Variants in MTHFD1L observed in about 807,000 individuals in gnomAD.
The protein encoded by MTHFD1L is methylenetetrahydrofolate dehydrogenase (NADP+ dependent) 1 like, also known as monofunctional C1-tetrahydrofolate synthase, mitochondrial.
In MTHFD1L, 81 loss-of-function variants were observed where a neutral mutation model predicts 119.5. The observed-to-expected ratio is 0.68, with a 90% confidence interval of 0.57 to 0.82. The LOEUF (loss-of-function observed/expected upper bound fraction) is 0.82, where lower values mean the gene tolerates loss of function less well. Ranked by LOEUF, MTHFD1L falls within the 40% of genes least tolerant of loss-of-function variation. The pLI is 0.00. For synonymous variants in MTHFD1L, 430 were observed against 475.2 expected (o/e 0.90, Z 1.24); for missense variants, 1,125 against 1,253.4 (o/e 0.90, Z 1.55).
intron 26 of MTHFD1L, among the ~76,000 whole-genome samples, chr6:151,071,954 TG>T (rs1467590041): frequency 1.1e-4 from 17 of 147,840 alleles, no homozygotes; most frequent in Admixed American, 4.9e-4. Flanking sequence ...GCAGTTCTCC[TG>T]CCTCGGCCTC....
intron 24 of MTHFD1L, chr6:151,022,259 C>G (rs9322298): frequency 0.073 from 23,326 of 318,760 alleles, 2,682 homozygotes; most frequent in East Asian, 0.58. Flanking sequence ...CTTGAAAATG[C>G]CAGCTGGAAC....
intron 27 of MTHFD1L, among the ~76,000 whole-genome samples, chr6:151,096,997 A>AT (rs1794943204): frequency 6.6e-6 from 1 of 152,264 alleles, no homozygotes; most frequent in Admixed American, 6.5e-5. Context: ...ATTAAAATAG[A>AT]TTTTTTGTCC....
In MTHFD1L at chr6:150,902,096, G is replaced by T. The variant is rs1303198547; in HGVS notation, c.781-3554G>T. ...ACTGTCTTCTAGTCAAGAGGGTAGCGCTGTATTTAGTTTAAAACATTTTAA... is the reference window on the plus strand; with the variant it reads ...ACTGTCTTCTAGTCAAGAGGGTAGCTCTGTATTTAGTTTAAAACATTTTAA... On this transcript the variant is annotated intron_variant, in intron 7 of 27. Transcript: ENST00000367321. Among the ~76,000 whole-genome samples the T allele has an allele frequency of 2.0e-5, 3 of 152,042 alleles. No homozygotes were observed. In the East Asian group the frequency reaches 5.8e-4, roughly 29 times the overall value.
chr6:150,908,342 G>A (rs1301674489), intron 8 of MTHFD1L, among the ~76,000 whole-genome samples: 1 of 151,606 alleles, frequency 6.6e-6, no homozygotes, highest in African/African-American at 2.4e-5. Context: ...GGGGCTGATG[G>A]CCAGGCACAG....
rs780618071 is a variant in MTHFD1L at position 151,013,841 on chromosome 6, G to A, written c.2307+21G>A. 5 of 1,599,132 alleles carry A rather than the reference G, an allele frequency of 3.1e-6. No homozygotes were observed. The African/African-American group carries it at 6.7e-5, about 22-fold the overall frequency. On this transcript the variant is annotated intron_variant, in intron 22 of 27. Transcript: ENST00000367321. ...AGGAGGTAAGAGGAGCTGTTTAGAT[G>A]CTTATGTGAAGAATCTCTTAAATCC...
chr6:150,926,949 G>A lies in MTHFD1L; in HGVS notation c.1256+654G>A, dbSNP rs572177276. On this transcript the variant is annotated intron_variant, in intron 11 of 27. Coordinates refer to ENST00000367321, the MANE Select transcript of MTHFD1L (RefSeq NM_015440.5). The surrounding 1 kb of genome is among the most constrained non-coding windows in gnomAD (Gnocchi z 4.3). ...AAGGGATTTCAAATATTTATTCAGT[G>A]TGACCTGAGGGAACATCATGAGACC... 4.5e-4 allele frequency among the ~76,000 whole-genome samples: 68 copies of A among 152,236 alleles called. No individual in the cohort carries two copies. The highest frequency in any genetic ancestry group is 1.5e-3 in the African/African-American group (64 of 41,544).
intron 20 of MTHFD1L, among the ~76,000 whole-genome samples, chr6:150,989,911 A>G (rs183270380): frequency 5.9e-5 from 9 of 152,356 alleles, no homozygotes; most frequent in African/African-American, 1.9e-4. Flanking sequence ...GCAGAGGAAA[A>G]TGAACTTCGT....
At chr6:150,923,917 T>C (rs1789494571) in intron 10 of MTHFD1L, among the ~76,000 whole-genome samples, 1 of 152,202 alleles carries the variant, frequency 6.6e-6, no homozygotes, top group Non-Finnish European at 1.5e-5. Flanking sequence ...TCATAAAATA[T>C]CTTATTTTAG....
At chr6:151,026,576 G>C (rs980217341) in intron 24 of MTHFD1L, among the ~76,000 whole-genome samples, 2 of 152,168 alleles carry the variant, frequency 1.3e-5, no homozygotes, top group African/African-American at 4.8e-5. Flanking sequence ...AATTAGTGTA[G>C]AGTATGAGAA....
chr6:151,020,427 G>A (rs545721785), intron 24 of MTHFD1L, among the ~76,000 whole-genome samples: 1 of 152,208 alleles, frequency 6.6e-6, no homozygotes, highest in Admixed American at 6.5e-5. Flanking sequence ...TTCTGACTTG[G>A]GAGTCTCTGC....
chr6:150,885,816 A>T (rs1383650005), intron 6 of MTHFD1L, 82 bp downstream of exon 6: 2 of 1,128,196 alleles, frequency 1.8e-6, no homozygotes, highest in African/African-American at 3.2e-5. Flanking sequence ...TTTGGGGAAG[A>T]ATTAAAAATT....
chr6:151,022,310 A>G (rs1227201190), intron 24 of MTHFD1L: 1 of 265,616 alleles, frequency 3.8e-6, no homozygotes, highest in Non-Finnish European at 7.7e-6. Flanking sequence ...TATCCTTTAC[A>G]TGGACTTGGA....
At chr6:150,935,886 G>GA (rs369775893) in intron 11 of MTHFD1L, among the ~76,000 whole-genome samples, 3 of 150,706 alleles carry the variant, frequency 2.0e-5, no homozygotes, top group East Asian at 1.9e-4. Context: ...TTAAAGAGTG[G>GA]AAAAAAAAAA....
intron 17 of MTHFD1L, chr6:150,959,106 T>A (rs949198595): frequency 1.3e-6 from 1 of 795,664 alleles, no homozygotes; most frequent in African/African-American, 1.9e-5. Flanking sequence ...ATGTTTGGAA[T>A]GAGTTATATT....
chr6:151,038,258 G>A (rs141743745), intron 26 of MTHFD1L, among the ~76,000 whole-genome samples: 1,766 of 152,302 alleles, frequency 0.012, 20 homozygotes, highest in Middle Eastern at 0.02. Context: ...TATGCCTGGG[G>A]TAGAACTTAC....
chr6:151,063,986 A>G (rs1000835464), intron 26 of MTHFD1L, among the ~76,000 whole-genome samples: 13 of 152,140 alleles, frequency 8.5e-5, no homozygotes, highest in Non-Finnish European at 4.4e-5. Context: ...TTAGAATTTT[A>G]AAGGACATTC....
intron 20 of MTHFD1L, among the ~76,000 whole-genome samples, chr6:150,991,517 G>A (rs1779059271): frequency 6.6e-6 from 1 of 152,088 alleles, no homozygotes; most frequent in Admixed American, 6.5e-5. Context: ...TTGTGATTTG[G>A]CATTCTCAAA....
intron 11 of MTHFD1L, chr6:150,935,225 A>G: frequency 6.2e-7 from 1 of 1,611,914 alleles, no homozygotes. Flanking sequence ...GCCACTGTGG[A>G]AGTCATATAC....
chr6:150,866,123 C>A (rs1778252534), intron 1 of MTHFD1L, 74 bp downstream of exon 1: 1 of 1,453,536 alleles, frequency 6.9e-7, no homozygotes, highest in South Asian at 1.3e-5. Context: ...GCGCCCGGGA[C>A]CGCCGTGGGG....
Sources: allele counts gnomAD v4.1 joint callset (sites outside exome capture counted in the v4.1 genomes callset), GRCh38; gene constraint gnomAD v4.1.1; non-coding constraint Gnocchi (gnomAD v3.1); transcripts MANE v1.5; gene names NCBI Gene and HGNC (gene_info 2026-07-23, HGNC 2026-07-21).